The following ZNF780A variants were observed in gnomAD, a reference collection of about 807,000 sequenced individuals.
ZNF780A encodes zinc finger protein 780A.
A neutral mutation model predicts 56.7 loss-of-function variants in ZNF780A; 40 were observed. The observed-to-expected ratio is 0.71, with a 90% CI of 0.55 to 0.92. ZNF780A has a LOEUF of 0.92. Among genes scored for constraint, ZNF780A ranks in the 40% least tolerant of loss-of-function variants. ZNF780A has a pLI of 0.00. For synonymous variants in ZNF780A, 231 were observed against 248.3 expected (o/e 0.93, Z 0.66); for missense variants, 672 against 783.3 (o/e 0.86, Z 1.70).
Position 40,075,098 on chromosome 19 carries a change from C to G in ZNF780A, c.1344G>C (p.Arg448Ser). 4 of 1,614,080 alleles carry G rather than the reference C, an allele frequency of 2.5e-6. No individual in the cohort carries two copies. The South Asian group carries it at 3.3e-5, about 13-fold the overall frequency. The part of the protein sequence containing the change: ...IHSNEKPFVC[R>S]ECEMAFRYHC... ...GATATCTAAAGGCCATCTCACATTC[C>G]CTACATACAAAAGGTTTCTCATTGG... The change falls in exon 6 of 6, where the codon AGG (arginine) becomes AGC (serine). Residue 448 changes from arginine to serine, a missense_variant. By Grantham distance (110) the Arg-to-Ser change is moderately radical. Transcript: ENST00000683561.
At chr19:40,085,974 G>C (rs1319949151) in intron 2 of ZNF780A, among the ~76,000 whole-genome samples, 6 of 149,162 alleles carry the variant, frequency 4.0e-5, no homozygotes, top group Admixed American at 6.6e-5. Context: ...ATGTGTGTGT[G>C]TATATATATA....
rs1470453340 is a variant in ZNF780A, at chr19:40,073,851, A to C, written c.*665T>G. On this transcript the variant is annotated 3_prime_UTR_variant, in exon 6 of 6. Transcript: ENST00000683561. ...CTTGTCCACACTCCTTATTGTCACA[A>C]AATTTCTAACTATTCTGAATTTTCT... 3.0e-6 allele frequency: 3 copies of C among 995,128 alleles called. No individual in the cohort carries two copies. The highest frequency in any genetic ancestry group is 3.6e-6 in the Non-Finnish European group (3 of 835,816). 61.6% of individuals were successfully genotyped at this position (995,128 alleles called of 1,614,324 possible).
In ZNF780A at chr19:40,073,075, T is replaced by C; in HGVS notation, c.*1441A>G. 2 of 1,402,396 alleles carry C rather than the reference T, an allele frequency of 1.4e-6. No individual in the cohort carries two copies. The highest frequency in any genetic ancestry group is 9.2e-7 in the Non-Finnish European group (1 of 1,081,512). The allele number at this position is 1,402,396 out of a possible 1,614,324, so 86.9% of individuals were successfully genotyped here. A position where few individuals can be genotyped will look rare whatever the true frequency, so the allele number is the denominator to read the frequency against. On this transcript the variant is annotated 3_prime_UTR_variant, in exon 6 of 6. Coordinates refer to ENST00000683561, the MANE Select transcript of ZNF780A (RefSeq NM_001142578.2). ...GATATTGTCTATATTGTCTTCATGT[T>C]TGGTTGATACACACGTTGATTAAAT...
chr19:40,086,169 T>A (rs758532099), intron 2 of ZNF780A, among the ~76,000 whole-genome samples: 2 of 152,184 alleles, frequency 1.3e-5, no homozygotes, highest in Non-Finnish European at 2.9e-5. Flanking sequence ...CTGTTGTTTT[T>A]ACTTAACAAG....
chr19:40,089,938 T>A (rs2144989358), intron 2 of ZNF780A, among the ~76,000 whole-genome samples: 1 of 150,530 alleles, frequency 6.6e-6, no homozygotes, highest in East Asian at 1.9e-4. Flanking sequence ...AATGGAGCTT[T>A]AATATTAACT....
chr19:40,075,254 C>T lies in ZNF780A; in HGVS notation c.1188G>A (p.Lys396=). 1 of 1,611,676 alleles carries T rather than the reference C, an allele frequency of 6.2e-7. No homozygotes were observed. ...EKPFECKECG[K]SFNRSSNLVQ... ...CAAGGTTTGAGCTACGATTAAAGGA[C>T]TTCCCACATTCCTTACATTCAAACG... The change falls in exon 6 of 6, where the codon AAG becomes AAA. Residue 396 remains lysine (K), a synonymous_variant. Transcript: ENST00000683561.
chr19:40,073,581 C>T lies in ZNF780A; in HGVS notation c.*935G>A, dbSNP rs1412526897. 2.0e-6 allele frequency: 2 copies of T among 985,794 alleles called. No individual in the cohort carries two copies. Among genetic ancestry groups the T allele is most frequent in the Admixed American group, 6.1e-5 (1 of 16,306 alleles). The allele number at this position is 985,794 out of a possible 1,614,324, so 61.1% of individuals were successfully genotyped here. A position where few individuals can be genotyped will look rare whatever the true frequency, so the allele number is the denominator to read the frequency against. ...GAGTACATTGTGAACATGACAACTA[C>T]CCTATATTCCTCATTCAAAGACTTT... On this transcript the variant is annotated 3_prime_UTR_variant, in exon 6 of 6. Coordinates refer to ENST00000683561, the MANE Select transcript of ZNF780A (RefSeq NM_001142578.2).
At chr19:40,080,778 C>A (rs1386148394) in intron 5 of ZNF780A, among the ~76,000 whole-genome samples, 1 of 152,048 alleles carries the variant, frequency 6.6e-6, no homozygotes, top group Non-Finnish European at 1.5e-5. Context: ...CCACAACATG[C>A]AATTTACCCA....
intron 2 of ZNF780A, among the ~76,000 whole-genome samples, chr19:40,088,993 A>G (rs1974973526): frequency 1.3e-5 from 2 of 152,160 alleles, no homozygotes; most frequent in South Asian, 2.1e-4. Context: ...GTATTTACAG[A>G]TCTGGGGTAA....
downstream of ZNF780A, chr19:40,072,668 AAAG>A (rs1973875549): frequency 7.9e-6 from 8 of 1,007,476 alleles, no homozygotes; most frequent in East Asian, 3.4e-5. Context: ...AAAAAAAAAA[AAAG>A]AAGAATGAGG....
intron 5 of ZNF780A, among the ~76,000 whole-genome samples, chr19:40,081,441 G>A (rs771064178): frequency 6.6e-6 from 1 of 151,710 alleles, no homozygotes; most frequent in Non-Finnish European, 1.5e-5. Context: ...GCTGAGGCAT[G>A]AGAATTGCTT....
intron 2 of ZNF780A, among the ~76,000 whole-genome samples, chr19:40,085,985 TTTA>T (rs1974775184): frequency 6.8e-6 from 1 of 146,944 alleles, no homozygotes; most frequent in African/African-American, 2.6e-5. Context: ...TATATATATA[TTTA>T]TATATATATA....
chr19:40,074,375 T>C lies in ZNF780A; in HGVS notation c.*141A>G. On this transcript the variant is annotated 3_prime_UTR_variant, in exon 6 of 6. Coordinates refer to ENST00000683561, the MANE Select transcript of ZNF780A (RefSeq NM_001142578.2). ...AAAGAGTTTCTCACTGGAATGAATT[T>C]TCTGATGCTGAATAACGTTTGAACC... 1.3e-6 allele frequency: 2 copies of C among 1,535,756 alleles called. No homozygotes were observed. The highest frequency in any genetic ancestry group is 2.6e-5 in the South Asian group (2 of 75,822).
rs1451439942 is a variant in ZNF780A, at chr19:40,074,528, C to G, written c.1914G>C (p.Glu638Asp). The G allele has an allele frequency of 1.9e-6, 3 of 1,613,722 alleles. No individual in the cohort carries two copies. Among genetic ancestry groups the G allele is most frequent in the Non-Finnish European group, 2.5e-6 (3 of 1,179,818 alleles). Residue 638 changes from glutamate (E) to aspartate (D), a missense_variant, in exon 6 of 6, where the codon GAG (glutamate) becomes GAC (aspartate). Transcript: ENST00000683561. ...ACATTCCTTACATTCAAGATGCCTT[C>G]TCACCTGTGTGAATGTTCTTATGGC... ...LNRHKNIHTGEKAS is the reference protein window; with the variant it reads ...LNRHKNIHTGDKAS
Position 40,075,781 on chromosome 19 carries a change from A to C in ZNF780A, c.661T>G (p.Phe221Val). The C allele has an allele frequency of 4.3e-6, 7 of 1,614,082 alleles. No individual in the cohort carries two copies. The highest frequency in any genetic ancestry group is 5.1e-6 in the Non-Finnish European group (6 of 1,180,002). Residue 221 changes from phenylalanine (F) to valine (V), a missense_variant, in exon 6 of 6, where the codon TTT becomes GTT. By Grantham distance (50) the Phe-to-Val change is conservative. Coordinates refer to ENST00000683561, the MANE Select transcript of ZNF780A (RefSeq NM_001142578.2). ...GCCTTTCCACATTCGTTACATTCAA[A>C]AGGTTTCTCACCAGTATGAAATTTC... ...HQKFHTGEKP[F>V]ECNECGKAFS...
intron 5 of ZNF780A, 40 bp downstream of exon 5, chr19:40,081,779 A>G (rs1226401247): frequency 6.5e-7 from 1 of 1,531,938 alleles, no homozygotes; most frequent in South Asian, 1.1e-5. Context: ...CATGTCCAGG[A>G]CAATGATGGC....
chr19:40,076,361 T>G, intron 5 of ZNF780A, 152 bp from the exon 6 acceptor site: 1 of 746,434 alleles, frequency 1.3e-6, no homozygotes, highest in Non-Finnish European at 2.0e-6. Flanking sequence ...ATAGAACCTT[T>G]CTCATATCAC....
In ZNF780A at chr19:40,074,500, T is replaced by A. The variant is rs181411112; in HGVS notation, c.*16A>T. On this transcript the variant is annotated 3_prime_UTR_variant, in exon 6 of 6. Coordinates refer to ENST00000683561, the MANE Select transcript of ZNF780A (RefSeq NM_001142578.2). ...GGTTTGAGACACGATTAAAGGACTTTCCACATTCCTTACATTCAAGATGCC... is the reference window on the plus strand; with the variant it reads ...GGTTTGAGACACGATTAAAGGACTTACCACATTCCTTACATTCAAGATGCC... 4.3e-6 allele frequency: 7 copies of A among 1,612,612 alleles called. No individual in the cohort carries two copies. The highest frequency in any genetic ancestry group is 1.3e-5 in the African/African-American group (1 of 74,964).
chr19:40,090,415 G>A (rs959581119), intron 1 of ZNF780A, 180 bp from the exon 2 acceptor site: 2 of 152,262 alleles, frequency 1.3e-5, no homozygotes, highest in East Asian at 3.9e-4. Context: ...TCTGGGGACA[G>A]AGCTCTGAGG....
Sources: allele counts gnomAD v4.1 joint callset (sites outside exome capture counted in the v4.1 genomes callset), GRCh38; gene constraint gnomAD v4.1.1; transcripts MANE v1.5; gene names NCBI Gene and HGNC (gene_info 2026-07-23, HGNC 2026-07-21).